The following FMN1 variants were observed in gnomAD, a reference collection of about 807,000 sequenced individuals.
The protein encoded by FMN1 is formin-1.
In FMN1, 110 loss-of-function variants were observed where a neutral mutation model predicts 132.4. That is an observed-to-expected ratio of 0.83 (90% CI 0.71 to 0.97). The LOEUF (loss-of-function observed/expected upper bound fraction) is 0.97, where lower values mean the gene tolerates loss of function less well. Ranked by LOEUF, FMN1 falls within the 50% of genes least tolerant of loss-of-function variation. FMN1 has a pLI of 0.00. For missense variants in FMN1, 1,792 were observed against 1,705.3 expected (o/e 1.05, Z -0.90); for synonymous variants, 722 against 651.7 (o/e 1.11, Z -1.64).
chr15:33,137,910 G>T (rs1963842151), intron 4 of FMN1, among the ~76,000 whole-genome samples: 1 of 152,172 alleles, frequency 6.6e-6, no homozygotes, highest in South Asian at 2.1e-4. Context: ...GTGACTCTGG[G>T]TTCTGCCTCT....
At chr15:33,040,444 G>A (rs1191353998) in intron 6 of FMN1, among the ~76,000 whole-genome samples, 2 of 152,170 alleles carry the variant, frequency 1.3e-5, no homozygotes, top group Non-Finnish European at 2.9e-5. Context: ...AAACCATTAA[G>A]TGCTTGATTC....
intron 15 of FMN1, among the ~76,000 whole-genome samples, chr15:32,894,385 G>A (rs1026988442): frequency 2.0e-5 from 3 of 151,956 alleles, no homozygotes; most frequent in African/African-American, 7.3e-5. Context: ...TTGGAAGGCT[G>A]AGGCACGAGA....
intron 5 of FMN1, among the ~76,000 whole-genome samples, chr15:33,073,977 C>T (rs11072187): frequency 0.32 from 49,096 of 152,010 alleles, 8,272 homozygotes; most frequent in Admixed American, 0.37. Flanking sequence ...GTAATCTGCC[C>T]ACCTCGGCCC....
intron 19 of FMN1, 71 bp downstream of exon 19, chr15:32,798,733 C>A: frequency 7.5e-7 from 1 of 1,336,646 alleles, no homozygotes; most frequent in Admixed American, 2.5e-5. Flanking sequence ...AATAGACACA[C>A]TTTGATAGGT....
intron 9 of FMN1, among the ~76,000 whole-genome samples, chr15:32,945,432 T>C (rs2061489099): frequency 6.6e-6 from 1 of 152,176 alleles, no homozygotes; most frequent in Non-Finnish European, 1.5e-5. Flanking sequence ...AAAGTTTGCA[T>C]GACCTTTGGA....
chr15:32,944,690 C>A (rs533517372), intron 9 of FMN1, among the ~76,000 whole-genome samples: 1 of 151,942 alleles, frequency 6.6e-6, no homozygotes, highest in Non-Finnish European at 1.5e-5. Flanking sequence ...ACAGAAAAAC[C>A]CTTTTCTTGT....
intron 3 of FMN1, among the ~76,000 whole-genome samples, chr15:33,171,622 G>A (rs935305437): frequency 6.6e-6 from 1 of 152,092 alleles, no homozygotes; most frequent in African/African-American, 2.4e-5. Context: ...AATTATTAAT[G>A]GAGGAAAAAT....
In FMN1 at chr15:33,153,873, A is replaced by C. The variant is rs551290714; in HGVS notation, c.1042T>G (p.Ser348Ala). ...SQVQRVVKTH[S>A]KGKETIAIRP... ...ATGGCAATCGTCTCCTTACCCTTAG[A>C]ATGCGTTTTAACTACTCTTTGTACC... Residue 348 changes from serine (S) to alanine (A), a missense_variant, in exon 4 of 21, where the codon TCT (serine) becomes GCT (alanine). Ser to Ala is a moderately conservative substitution (Grantham distance 99, BLOSUM62 1). This residue lies in a region of FMN1 where 638 missense variants were observed against 645.2 expected (regional missense o/e 0.99). Transcript: ENST00000616417. 6.5e-7 allele frequency: 1 copy of C among 1,536,642 alleles called. No homozygotes were observed. Among genetic ancestry groups the C allele is most frequent in the East Asian group, 2.4e-5 (1 of 40,902 alleles).
At position 32,964,016 on chromosome 15, in the gene FMN1, T is replaced by TATATAC. The variant is rs1555505892; in HGVS notation, c.3138+90_3138+91insGTATAT. 2.4e-3 allele frequency: 1,202 copies of TATATAC among 508,034 alleles called. 3 individuals carry two copies. Among genetic ancestry groups the TATATAC allele is most frequent in the African/African-American group, 8.2e-3 (397 of 48,312 alleles). The allele number at this position is 508,034 out of a possible 1,614,324, so 31.5% of individuals were successfully genotyped here. A position where few individuals can be genotyped will look rare whatever the true frequency, so the allele number is the denominator to read the frequency against. On this transcript the variant is annotated intron_variant, in intron 9 of 20. Coordinates refer to ENST00000616417, the MANE Select transcript of FMN1 (RefSeq NM_001277313.2). Reference sequence around the variant, plus strand: ...GGTATGTGTGTGTGTGTATATACGATACACACACACACACACACACACACA... The same window carrying TATATAC: ...GGTATGTGTGTGTGTGTATATACGATATATACACACACACACACACACACACACACA...
chr15:32,969,621 T>A, intron 7 of FMN1, 144 bp from the exon 8 acceptor site: 1 of 1,024,498 alleles, frequency 9.8e-7, no homozygotes, highest in Non-Finnish European at 1.4e-6. Context: ...CTTTTAAGAA[T>A]CCATAAAGGT....
intron 7 of FMN1, among the ~76,000 whole-genome samples, chr15:32,978,775 C>T (rs1297608820): frequency 6.6e-6 from 1 of 152,172 alleles, no homozygotes; most frequent in Non-Finnish European, 1.5e-5. Context: ...GATACTATCC[C>T]ATGGCCAATG....
At position 32,901,936 on chromosome 15, in the gene FMN1, A is replaced by G; in HGVS notation, c.3482T>C (p.Val1161Ala). ...CTTAGAAGCTCGCGTGATGATCTCT[A>G]CCTTTCTGTGCAAGGAGGTGATACC... The part of the protein sequence containing the change: ...SEGITSLHRK[V>A]EIITRASKDL... The change falls in exon 13 of 21, where the codon GTA (valine) becomes GCA (alanine). Residue 1161 changes from valine (V) to alanine (A), a missense_variant. Val to Ala is a moderately conservative substitution (Grantham distance 64). Transcript: ENST00000616417. 2 of 1,612,614 alleles carry G rather than the reference A, an allele frequency of 1.2e-6. No homozygotes were observed. Among genetic ancestry groups the G allele is most frequent in the South Asian group, 2.2e-5 (2 of 90,720 alleles).
intron 5 of FMN1, among the ~76,000 whole-genome samples, chr15:33,065,886 C>T (rs2037702653): frequency 6.6e-6 from 1 of 152,156 alleles, no homozygotes; most frequent in Non-Finnish European, 1.5e-5. Flanking sequence ...CCATGCACTG[C>T]CTTTGTTTAA....
At chr15:32,896,605 T>A (rs1181769979) in intron 15 of FMN1, among the ~76,000 whole-genome samples, 1 of 152,100 alleles carries the variant, frequency 6.6e-6, no homozygotes, top group Non-Finnish European at 1.5e-5. Context: ...TTCATTCTAC[T>A]TTCTGTTCCT....
intron 5 of FMN1, among the ~76,000 whole-genome samples, chr15:33,086,764 T>TAG: frequency 6.6e-6 from 1 of 152,322 alleles, no homozygotes; most frequent in South Asian, 2.1e-4. Flanking sequence ...ACCAAAAACT[T>TAG]TACTAATTCT....
At chr15:32,791,186 A>C (rs1245559473) in intron 19 of FMN1, among the ~76,000 whole-genome samples, 3 of 151,474 alleles carry the variant, frequency 2.0e-5, no homozygotes, top group African/African-American at 4.9e-5. Context: ...AGTTTAGGGC[A>C]GGTTCTCAGA....
intron 15 of FMN1, among the ~76,000 whole-genome samples, chr15:32,889,567 A>G (rs1437504785): frequency 6.6e-6 from 1 of 151,888 alleles, no homozygotes; most frequent in African/African-American, 2.4e-5. Flanking sequence ...ACAGACCACA[A>G]TCTCTTGCTT....
chr15:32,984,922 A>G (rs747373459), intron 7 of FMN1, among the ~76,000 whole-genome samples: 2 of 134,920 alleles, frequency 1.5e-5, no homozygotes, highest in Non-Finnish European at 3.1e-5. Flanking sequence ...GTCTTCTTTC[A>G]CCCCTACCTA....
intron 9 of FMN1, among the ~76,000 whole-genome samples, chr15:32,932,268 C>G (rs1048481011): frequency 1.3e-5 from 2 of 152,054 alleles, no homozygotes; most frequent in Non-Finnish European, 2.9e-5. Context: ...TGCATGGAGG[C>G]ACGTGCCTGG....
Sources: allele counts gnomAD v4.1 joint callset (sites outside exome capture counted in the v4.1 genomes callset), GRCh38; gene constraint gnomAD v4.1.1; regional missense constraint gnomAD v4.1.1; transcripts MANE v1.5; gene names NCBI Gene and HGNC (gene_info 2026-07-23, HGNC 2026-07-21).